HORMAD2: variants seen among roughly 807,000 people sequenced by gnomAD.
HORMAD2 encodes HORMA domain-containing protein 2.
HORMAD2 carries 45 observed loss-of-function variants against 38.8 expected under a neutral mutation model. The ratio of observed to expected loss-of-function variants is 1.16; its 90% CI spans 0.91 to 1.49. The LOEUF (loss-of-function observed/expected upper bound fraction) is 1.49, where lower values mean the gene tolerates loss of function less well. Ranked by LOEUF, HORMAD2 falls within the 40% of genes most tolerant of loss-of-function variation. HORMAD2 has a pLI of 0.00. For missense variants in HORMAD2, 338 were observed against 367.0 expected, an observed-to-expected ratio of 0.92 and a Z score of 0.65; for synonymous variants, 126 against 122.8, an observed-to-expected ratio of 1.03 and a Z score of -0.17.
chr22:30,096,728 C>G (rs536943334), intron 2 of HORMAD2, among the ~76,000 whole-genome samples: 18 of 152,166 alleles, frequency 1.2e-4, no homozygotes, highest in Non-Finnish European at 2.5e-4. Flanking sequence ...CCCAGCCTCC[C>G]AAAGTGCTGG....
chr22:30,163,464 G>A (rs530908738), intron 10 of HORMAD2, among the ~76,000 whole-genome samples: 4 of 152,042 alleles, frequency 2.6e-5, no homozygotes, highest in African/African-American at 9.6e-5. Context: ...TCACTCTGTT[G>A]CCCAGGCCAC....
intron 1 of HORMAD2, chr22:30,081,185 GC>G (rs2068466067): frequency 6.6e-6 from 1 of 152,178 alleles, no homozygotes; most frequent in South Asian, 2.1e-4. Context: ...GGTGGTTCTG[GC>G]CCCTAAAGGG....
At chr22:30,172,557 A>C (rs1260256047) in intron 10 of HORMAD2, among the ~76,000 whole-genome samples, 1 of 152,190 alleles carries the variant, frequency 6.6e-6, no homozygotes, top group African/African-American at 2.4e-5. Flanking sequence ...ATTAAAGAGC[A>C]TCTACCAGAT....
At position 30,110,067 on chromosome 22, in the gene HORMAD2, G is replaced by T. The variant is rs1333823300; in HGVS notation, c.295-1729G>T. Among the ~76,000 whole-genome samples the T allele has an allele frequency of 2.6e-5, 4 of 152,106 alleles. No homozygotes were observed. In the East Asian group the frequency reaches 7.7e-4, roughly 29 times the overall value. ...TGGAAAATATTTAGAAAAAATAACA[G>T]TACAACAATAAAAATAATACAAATA... On this transcript the variant is annotated intron_variant, in intron 5 of 10. Transcript: ENST00000336726.
At chr22:30,119,627 A>G (rs1002604087) in intron 8 of HORMAD2, among the ~76,000 whole-genome samples, 2 of 152,212 alleles carry the variant, frequency 1.3e-5, no homozygotes, top group African/African-American at 4.8e-5. Context: ...TTCTCCCAGT[A>G]GCTTTTGGAT....
chr22:30,143,983 G>A (rs1255705024), intron 10 of HORMAD2, among the ~76,000 whole-genome samples: 1 of 152,154 alleles, frequency 6.6e-6, no homozygotes, highest in East Asian at 1.9e-4. Flanking sequence ...CTCACCAGAA[G>A]CTGATGCCAG....
upstream of HORMAD2, among the ~76,000 whole-genome samples, chr22:30,079,531 G>C (rs2068433012): frequency 1.3e-5 from 2 of 151,836 alleles, no homozygotes; most frequent in African/African-American, 4.8e-5. Context: ...TTTGAGACAG[G>C]GTCTCCCTCT....
chr22:30,199,390 C>G, the HORMAD2 span, among the ~76,000 whole-genome samples: 21 of 152,312 alleles, frequency 1.4e-4, 2 homozygotes, highest in South Asian at 3.9e-3. Flanking sequence ...CAGGATCTCT[C>G]TGGGTAGAAA....
At chr22:30,087,986 C>CAT (rs536048044) in intron 1 of HORMAD2, among the ~76,000 whole-genome samples, 58 of 150,776 alleles carry the variant, frequency 3.8e-4, no homozygotes, top group East Asian at 2.9e-3. Flanking sequence ...TATATATATA[C>CAT]ATATATATAT....
At chr22:30,190,549 A>G in the HORMAD2 span, among the ~76,000 whole-genome samples, 1 of 152,230 alleles carries the variant, frequency 6.6e-6, no homozygotes, top group East Asian at 1.9e-4. Flanking sequence ...AGGGGGTGAC[A>G]GGGGCAGCAT....
At chr22:30,182,815 C>T in the HORMAD2 span, among the ~76,000 whole-genome samples, 6 of 152,016 alleles carry the variant, frequency 3.9e-5, no homozygotes, top group African/African-American at 9.7e-5. Flanking sequence ...TAGATTAACT[C>T]GGTAGGGTTT....
At chr22:30,201,818 AC>A in the HORMAD2 span, among the ~76,000 whole-genome samples, 1 of 152,060 alleles carries the variant, frequency 6.6e-6, no homozygotes, top group Non-Finnish European at 1.5e-5. Context: ...CAGCTCATGA[AC>A]CATATTTCAA....
At chr22:30,206,740 A>T in the HORMAD2 span, among the ~76,000 whole-genome samples, 5 of 152,214 alleles carry the variant, frequency 3.3e-5, no homozygotes, top group Non-Finnish European at 7.4e-5. Flanking sequence ...CAGTGCTGGG[A>T]TTACAGGCAT....
At chr22:30,078,228 G>A (rs564176867), upstream of HORMAD2, among the ~76,000 whole-genome samples, 2 of 152,278 alleles carry the variant, frequency 1.3e-5, no homozygotes, top group East Asian at 3.9e-4. Context: ...ATCCTGGGGC[G>A]ACTCCGCCAG....
At chr22:30,122,633 C>T (rs1472923284) in intron 10 of HORMAD2, among the ~76,000 whole-genome samples, 5 of 151,948 alleles carry the variant, frequency 3.3e-5, no homozygotes, top group African/African-American at 4.8e-5. Context: ...TGGATAAACC[C>T]GAGTCAGCGT....
At chr22:30,203,296 G>C in the HORMAD2 span, among the ~76,000 whole-genome samples, 1 of 151,478 alleles carries the variant, frequency 6.6e-6, no homozygotes, top group Non-Finnish European at 1.5e-5. Flanking sequence ...TCAGGAGGCT[G>C]AGGCATGAGA....
chr22:30,138,297 C>CT (rs907390504), intron 10 of HORMAD2, among the ~76,000 whole-genome samples: 9 of 150,064 alleles, frequency 6.0e-5, no homozygotes, highest in African/African-American at 2.2e-4. Flanking sequence ...AACAGAGAAG[C>CT]TGGGACCATA....
the HORMAD2 span, among the ~76,000 whole-genome samples, chr22:30,196,327 T>C: frequency 6.6e-6 from 1 of 152,098 alleles, no homozygotes; most frequent in African/African-American, 2.4e-5. Context: ...TGTAAGAAAA[T>C]TCCCCCATTC....
intron 10 of HORMAD2, among the ~76,000 whole-genome samples, chr22:30,154,033 A>G (rs1489474444): frequency 6.6e-6 from 1 of 152,174 alleles, no homozygotes; most frequent in Non-Finnish European, 1.5e-5. Flanking sequence ...TTCACTGTTT[A>G]TGGCTTTTAA....
Sources: allele counts gnomAD v4.1 joint callset (sites outside exome capture counted in the v4.1 genomes callset), GRCh38; gene constraint gnomAD v4.1.1; transcripts MANE v1.5; gene names NCBI Gene and HGNC (gene_info 2026-07-23, HGNC 2026-07-21).